The following ECT2L variants were observed in gnomAD, a reference collection of about 807,000 sequenced individuals.
The protein encoded by ECT2L is epithelial cell transforming 2 like, also known as epithelial cell-transforming sequence 2 oncogene-like.
ECT2L carries 126 observed loss-of-function variants against 122.8 expected under a neutral mutation model. The observed-to-expected ratio is 1.03, with a 90% CI of 0.89 to 1.19. The LOEUF (loss-of-function observed/expected upper bound fraction) is 1.19, where lower values mean the gene tolerates loss of function less well. ECT2L is among the 50% of genes most tolerant of loss of function. ECT2L has a pLI of 0.00. For missense variants in ECT2L, 1,012 were observed against 1,064.1 expected, an observed-to-expected ratio of 0.95 and a Z score of 0.68; for synonymous variants, 385 against 381.8, an observed-to-expected ratio of 1.01 and a Z score of -0.10.
At chr6:138,804,632 C>A (rs1339254597) in intron 1 of ECT2L, among the ~76,000 whole-genome samples, 2 of 151,826 alleles carry the variant, frequency 1.3e-5, no homozygotes, top group East Asian at 3.8e-4. Context: ...GAATTTGTTA[C>A]TGAGATTGCA....
At chr6:138,798,882 C>T (rs1178773606) in intron 1 of ECT2L, among the ~76,000 whole-genome samples, 2 of 152,176 alleles carry the variant, frequency 1.3e-5, no homozygotes, top group South Asian at 2.1e-4. Context: ...TCCCAGGAGC[C>T]GTACTTCAAC....
chr6:138,814,262 G>C (rs1037139916), intron 3 of ECT2L, among the ~76,000 whole-genome samples: 61 of 152,236 alleles, frequency 4.0e-4, no homozygotes, highest in African/African-American at 1.4e-3. Flanking sequence ...ATCACTGCCA[G>C]TCTTTCCCAT....
At chr6:138,857,349 T>C (rs1311145336) in intron 10 of ECT2L, among the ~76,000 whole-genome samples, 1 of 152,174 alleles carries the variant, frequency 6.6e-6, no homozygotes, top group Non-Finnish European at 1.5e-5. Flanking sequence ...GGGTCCCACC[T>C]AGAGTTTCAG....
intron 20 of ECT2L, among the ~76,000 whole-genome samples, chr6:138,894,148 C>T (rs1040447583): frequency 6.6e-6 from 1 of 152,126 alleles, no homozygotes; most frequent in Non-Finnish European, 1.5e-5. Flanking sequence ...CCTCCACCTC[C>T]CAGGTTCAAG....
At chr6:138,853,832 C>T (rs1582617459) in intron 9 of ECT2L, among the ~76,000 whole-genome samples, 194 bp from the exon 10 acceptor site, 1 of 152,046 alleles carries the variant, frequency 6.6e-6, no homozygotes, top group South Asian at 2.1e-4. Flanking sequence ...TCCAATTTAC[C>T]CAGGATGTGA....
chr6:138,800,731 G>A (rs1775513752), intron 1 of ECT2L, among the ~76,000 whole-genome samples: 1 of 152,140 alleles, frequency 6.6e-6, no homozygotes, highest in South Asian at 2.1e-4. Flanking sequence ...CTAATAACTT[G>A]CTTTTTTAGC....
chr6:138,854,007 T>C lies in ECT2L; in HGVS notation c.1070-19T>C, dbSNP rs1488808250. The C allele has an allele frequency of 2.5e-6, 4 of 1,610,582 alleles. No homozygotes were observed. Among genetic ancestry groups the C allele is most frequent in the Non-Finnish European group, 3.4e-6 (4 of 1,177,968 alleles). On this transcript the variant is annotated intron_variant, in intron 9 of 21. Transcript: ENST00000541398. ...ATTATGTTACAAGCTAATATGACAT[T>C]TTGATTTTTTTTCCTCAGGCTATAA... is the stretch of plus-strand genomic sequence containing the variant.
chr6:138,855,310 C>G (rs1047615286), intron 10 of ECT2L, among the ~76,000 whole-genome samples: 4 of 152,070 alleles, frequency 2.6e-5, no homozygotes, highest in Non-Finnish European at 5.9e-5. Context: ...GAGTTCGAGA[C>G]TAGCCTGGCC....
At chr6:138,896,058 C>T (rs1779197879) in intron 20 of ECT2L, among the ~76,000 whole-genome samples, 3 of 139,836 alleles carry the variant, frequency 2.1e-5, no homozygotes, top group South Asian at 4.4e-4. Context: ...TCTGTATTAT[C>T]GTTTTTTTCA....
Position 138,903,512 on chromosome 6 carries a change from G to A in ECT2L, c.*885G>A, listed in dbSNP as rs1226611462. 1 of 152,080 alleles carries A rather than the reference G, an allele frequency of 6.6e-6. No homozygotes were observed. The allele number at this position is 152,080 out of a possible 1,614,324, so 9.4% of individuals were successfully genotyped here. A position where few individuals can be genotyped will look rare whatever the true frequency, so the allele number is the denominator to read the frequency against. ...AAAAAGTTTTCTATAATTTTTAAGTGTTATTTATTGGAAGGCTAAATTCTA... is the reference window on the plus strand; with the variant it reads ...AAAAAGTTTTCTATAATTTTTAAGTATTATTTATTGGAAGGCTAAATTCTA... On this transcript the variant is annotated 3_prime_UTR_variant, in exon 22 of 22. Coordinates refer to ENST00000541398, the MANE Select transcript of ECT2L (RefSeq NM_001077706.3).
chr6:138,849,189 G>A (rs898949765), intron 8 of ECT2L, 80 bp from the exon 9 acceptor site: 2 of 1,310,150 alleles, frequency 1.5e-6, no homozygotes, highest in Admixed American at 2.8e-5. Flanking sequence ...GGCGTATTTT[G>A]TATCCGTTCT....
chr6:138,853,918 C>A, intron 9 of ECT2L, 108 bp from the exon 10 acceptor site: 1 of 1,278,434 alleles, frequency 7.8e-7, no homozygotes, highest in Non-Finnish European at 1.1e-6. Flanking sequence ...CTTGGTCTTG[C>A]AGGCAGATGG....
chr6:138,869,996 T>C (rs950066003), intron 13 of ECT2L, among the ~76,000 whole-genome samples: 1 of 152,188 alleles, frequency 6.6e-6, no homozygotes, highest in Non-Finnish European at 1.5e-5. Context: ...GAATATGAGA[T>C]GAACTAGAAA....
intron 13 of ECT2L, among the ~76,000 whole-genome samples, chr6:138,873,871 A>ACT (rs916600162): frequency 0.041 from 2,255 of 54,974 alleles, 50 homozygotes; most frequent in African/African-American, 0.18. Flanking sequence ...CAAATCCAGG[A>ACT]CTGTGTGTGT....
At chr6:138,890,084 G>C (rs1778965195) in intron 20 of ECT2L, among the ~76,000 whole-genome samples, 1 of 152,096 alleles carries the variant, frequency 6.6e-6, no homozygotes, top group Non-Finnish European at 1.5e-5. Flanking sequence ...CCATAGTGTG[G>C]TGATATCTGC....
At chr6:138,881,519 G>T (rs974548591) in intron 15 of ECT2L, among the ~76,000 whole-genome samples, 3 of 151,812 alleles carry the variant, frequency 2.0e-5, no homozygotes, top group Non-Finnish European at 4.4e-5. Context: ...TGATTCAAGT[G>T]CATTACAGTT....
chr6:138,800,740 GC>G (rs1243327385), intron 1 of ECT2L, among the ~76,000 whole-genome samples: 1 of 152,054 alleles, frequency 6.6e-6, no homozygotes, highest in Non-Finnish European at 1.5e-5. Flanking sequence ...TGCTTTTTTA[GC>G]CCCTGAATTT....
In ECT2L at chr6:138,809,877, A is replaced by G. The variant is rs557290702; in HGVS notation, c.-243-2961A>G. 4.3e-4 allele frequency among the ~76,000 whole-genome samples: 66 copies of G among 152,296 alleles called. No homozygotes were observed. The South Asian group carries it at 0.01, about 24-fold the overall frequency. ...CCAGGAGTAGGATGTTTCCATAACA[A>G]CAGCAACACATTCTATATTATGTGG... On this transcript the variant is annotated intron_variant, in intron 1 of 21. Transcript: ENST00000541398.
chr6:138,877,230 G>A (rs560219785), intron 14 of ECT2L, among the ~76,000 whole-genome samples: 2 of 152,220 alleles, frequency 1.3e-5, no homozygotes, highest in South Asian at 4.1e-4. Flanking sequence ...CTGCAGCCCT[G>A]AGCTCAGACC....
Sources: gnomAD v4.1 joint callset for allele counts (sites outside exome capture counted in the v4.1 genomes callset) on GRCh38, gnomAD v4.1.1 for gene constraint, MANE v1.5 for transcripts, NCBI Gene and HGNC (gene_info 2026-07-23, HGNC 2026-07-21) for gene names.